Variants in SDK1 observed in about 807,000 individuals in gnomAD.
SDK1 encodes protein sidekick-1.
Under a neutral mutation model 245.5 loss-of-function variants are expected in SDK1, and 157 were observed. The observed-to-expected ratio is 0.64, with a 90% confidence interval of 0.56 to 0.73. The LOEUF (loss-of-function observed/expected upper bound fraction) is 0.73. Ranked by LOEUF, SDK1 falls within the 30% of genes least tolerant of loss-of-function variation. The pLI, the probability that SDK1 is intolerant of heterozygous loss-of-function variation, is 0.00. For synonymous variants in SDK1, 1,647 were observed against 1,278.5 expected (o/e 1.29, Z -6.15); for missense variants, 3,583 against 3,002.3 (o/e 1.19, Z -4.52).
At position 3,407,004 on chromosome 7, in the gene SDK1, G is replaced by T. The variant is rs542017587; in HGVS notation, c.298+105120G>T. On this transcript the variant is annotated intron_variant, in intron 1 of 44. Transcript: ENST00000404826. ...TAGAGTGGATGAGGCACAGAGAATTGGTTGCCAATGGGATCAAGAATGCTA... is the reference window on the plus strand; with the variant it reads ...TAGAGTGGATGAGGCACAGAGAATTTGTTGCCAATGGGATCAAGAATGCTA... Among the ~76,000 whole-genome samples, 72 of 152,188 alleles carry T rather than the reference G, an allele frequency of 4.7e-4. 1 individual carries two copies. Among genetic ancestry groups the T allele is most frequent in the Non-Finnish European group, 7.4e-5 (5 of 68,008 alleles).
intron 32 of SDK1, among the ~76,000 whole-genome samples, chr7:4,165,455 A>G (rs1781445201): frequency 6.6e-6 from 1 of 152,156 alleles, no homozygotes; most frequent in Non-Finnish European, 1.5e-5. Flanking sequence ...GATTATTCTT[A>G]GTAGGACAGT....
intron 35 of SDK1, among the ~76,000 whole-genome samples, chr7:4,200,631 C>A (rs1029384508): frequency 6.6e-6 from 1 of 152,230 alleles, no homozygotes; most frequent in Non-Finnish European, 1.5e-5. Flanking sequence ...AAGGGCCTCT[C>A]CATGGGGCCT....
At chr7:4,135,780 C>T (rs1392828772) in intron 28 of SDK1, among the ~76,000 whole-genome samples, 4 of 152,206 alleles carry the variant, frequency 2.6e-5, no homozygotes, top group Non-Finnish European at 2.9e-5. Flanking sequence ...ACGTTAGCTT[C>T]CGTATCAGAT....
chr7:3,601,939 G>C (rs1390285818), intron 1 of SDK1, among the ~76,000 whole-genome samples: 1 of 148,546 alleles, frequency 6.7e-6, no homozygotes, highest in Non-Finnish European at 1.5e-5. Flanking sequence ...TTGGTTTTTT[G>C]TCCTTGTGAT....
intron 4 of SDK1, among the ~76,000 whole-genome samples, chr7:3,692,698 G>T (rs947469797): frequency 1.3e-5 from 2 of 151,704 alleles, no homozygotes; most frequent in South Asian, 2.1e-4. Flanking sequence ...TTTTTGAGGT[G>T]ATTCATATAT....
chr7:3,989,294 C>A (rs552157859), intron 14 of SDK1, among the ~76,000 whole-genome samples: 7 of 152,252 alleles, frequency 4.6e-5, no homozygotes, highest in African/African-American at 2.4e-5. Context: ...AGGAAAACTC[C>A]CCTTGTACTA....
Position 4,268,214 on chromosome 7 carries a change from C to T in SDK1, c.*2830C>T, listed in dbSNP as rs1023321688. The T allele has an allele frequency of 7.6e-5, 75 of 988,800 alleles. No homozygotes were observed. Among genetic ancestry groups the T allele is most frequent in the Non-Finnish European group, 8.7e-5 (72 of 832,100 alleles). 61.3% of individuals were successfully genotyped at this position (988,800 alleles called of 1,614,324 possible). On this transcript the variant is annotated 3_prime_UTR_variant, in exon 45 of 45. Coordinates refer to ENST00000404826, the MANE Select transcript of SDK1 (RefSeq NM_152744.4). Reference sequence around the variant, plus strand: ...TGGCTCATTTCAGATTGCTTCGGCCCCACCCTGCAAGGATGTGGTCACGGA... The same window carrying T: ...TGGCTCATTTCAGATTGCTTCGGCCTCACCCTGCAAGGATGTGGTCACGGA...
intron 5 of SDK1, among the ~76,000 whole-genome samples, chr7:3,865,872 T>C (rs1780808996): frequency 6.6e-6 from 1 of 152,110 alleles, no homozygotes; most frequent in Non-Finnish European, 1.5e-5. Context: ...ACCAACATCT[T>C]TTCAGAAGTT....
At chr7:3,823,391 G>GTT (rs1779694589) in intron 5 of SDK1, among the ~76,000 whole-genome samples, 1 of 152,096 alleles carries the variant, frequency 6.6e-6, no homozygotes, top group Admixed American at 6.5e-5. Context: ...AAGGAAGTTG[G>GTT]CCTTCCTCTG....
chr7:3,925,786 G>A (rs891735091), intron 5 of SDK1, among the ~76,000 whole-genome samples: 2 of 152,174 alleles, frequency 1.3e-5, no homozygotes, highest in Admixed American at 6.5e-5. Flanking sequence ...TGCTCCAGCC[G>A]GCTGAGAAGA....
At chr7:4,062,759 G>A (rs1027866555) in intron 19 of SDK1, among the ~76,000 whole-genome samples, 12 of 152,114 alleles carry the variant, frequency 7.9e-5, no homozygotes, top group African/African-American at 2.9e-4. Flanking sequence ...AATACACCAT[G>A]CTCATGTGAG....
rs941965669 is a variant in SDK1, at chr7:3,572,385, C to G, written c.299-46695C>G. ...ATCAGGATCATCCAGCCCCTCAGAG[C>G]AAGAGTATGGAGATCATATTCACAG... On this transcript the variant is annotated intron_variant, in intron 1 of 44. Transcript: ENST00000404826. 2.0e-5 allele frequency among the ~76,000 whole-genome samples: 3 copies of G among 151,962 alleles called. No homozygotes were observed. The South Asian group carries it at 6.2e-4, about 32-fold the overall frequency.
intron 1 of SDK1, among the ~76,000 whole-genome samples, chr7:3,535,502 C>T (rs904823749): frequency 1.3e-5 from 2 of 152,114 alleles, no homozygotes; most frequent in Non-Finnish European, 2.9e-5. Flanking sequence ...CCCAGCCAGG[C>T]TCAGTCATAC....
intron 14 of SDK1, among the ~76,000 whole-genome samples, chr7:3,989,734 C>T (rs775049234): frequency 6.6e-6 from 1 of 152,198 alleles, no homozygotes; most frequent in African/African-American, 2.4e-5. Flanking sequence ...TGATGTCAGC[C>T]TGTACACGCC....
intron 4 of SDK1, among the ~76,000 whole-genome samples, chr7:3,739,381 T>C (rs1246972012): frequency 6.6e-6 from 1 of 152,194 alleles, no homozygotes; most frequent in African/African-American, 2.4e-5. Flanking sequence ...ACTTTTCCAG[T>C]ATTCTTTCTG....
chr7:3,416,097 A>T (rs533283515), intron 1 of SDK1, among the ~76,000 whole-genome samples: 42 of 152,322 alleles, frequency 2.8e-4, no homozygotes, highest in African/African-American at 9.9e-4. Context: ...GTCTCCTTTA[A>T]AGTATGAAGT....
chr7:3,890,677 C>G (rs1395626849), intron 5 of SDK1, among the ~76,000 whole-genome samples: 1 of 151,492 alleles, frequency 6.6e-6, no homozygotes, highest in African/African-American at 2.4e-5. Context: ...TGTGGTAGCT[C>G]GTGCCTGTAA....
intron 38 of SDK1, among the ~76,000 whole-genome samples, chr7:4,218,168 C>G (rs1784935956): frequency 6.6e-6 from 1 of 152,136 alleles, no homozygotes; most frequent in African/African-American, 2.4e-5. Flanking sequence ...CGTTGGGAGG[C>G]CGAGGTGGGC....
intron 1 of SDK1, among the ~76,000 whole-genome samples, chr7:3,413,987 T>C (rs1026742025): frequency 2.6e-5 from 4 of 151,902 alleles, no homozygotes; most frequent in Non-Finnish European, 4.4e-5. Flanking sequence ...AATAAAAAGA[T>C]AACTTGGGCT....
Sources: allele counts gnomAD v4.1 joint callset (sites outside exome capture counted in the v4.1 genomes callset), GRCh38; gene constraint gnomAD v4.1.1; transcripts MANE v1.5; gene names NCBI Gene and HGNC (gene_info 2026-07-23, HGNC 2026-07-21).